The following CFAP61 variants were observed in gnomAD, a reference collection of about 807,000 sequenced individuals.
CFAP61 encodes the protein cilia- and flagella-associated protein 61.
A neutral mutation model predicts 135.6 loss-of-function variants in CFAP61; 107 were observed. That is an observed-to-expected ratio of 0.79 (90% CI 0.67 to 0.93). CFAP61 has a LOEUF of 0.93. CFAP61 is among the 40% of genes least tolerant of loss of function. The pLI is 0.00. For synonymous variants in CFAP61, 575 were observed against 578.5 expected, an observed-to-expected ratio of 0.99 and a Z score of 0.09; for missense variants, 1,507 against 1,556.2, an observed-to-expected ratio of 0.97 and a Z score of 0.53.
At chr20:20,155,915 C>A (rs926703363) in intron 9 of CFAP61, among the ~76,000 whole-genome samples, 1 of 152,184 alleles carries the variant, frequency 6.6e-6, no homozygotes, top group Admixed American at 6.5e-5. Flanking sequence ...AGTCCCACTA[C>A]TGGGTGTCTA....
At chr20:20,110,181 A>G (rs1486000608) in intron 8 of CFAP61, among the ~76,000 whole-genome samples, 1 of 152,052 alleles carries the variant, frequency 6.6e-6, no homozygotes, top group East Asian at 1.9e-4. Context: ...TTTAAAATAA[A>G]AGCACTTCTT....
At chr20:20,340,653 C>T (rs570540216) in intron 25 of CFAP61, among the ~76,000 whole-genome samples, 27 of 152,218 alleles carry the variant, frequency 1.8e-4, no homozygotes, top group Middle Eastern at 3.4e-3. Context: ...AGGAAAGCAG[C>T]GAGCAGGCGG....
intron 17 of CFAP61, among the ~76,000 whole-genome samples, chr20:20,226,397 A>G (rs948028101): frequency 6.6e-6 from 1 of 152,238 alleles, no homozygotes; most frequent in Non-Finnish European, 1.5e-5. Flanking sequence ...ACCTGAGTCC[A>G]ACCTAGATCA....
At chr20:20,160,985 C>T (rs1200269632) in intron 10 of CFAP61, among the ~76,000 whole-genome samples, 2 of 152,174 alleles carry the variant, frequency 1.3e-5, no homozygotes, top group African/African-American at 4.8e-5. Context: ...TCTTGAAACA[C>T]CCCATGCTGG....
intron 17 of CFAP61, among the ~76,000 whole-genome samples, chr20:20,201,815 C>T (rs577026297): frequency 1.7e-3 from 259 of 152,350 alleles, no homozygotes; most frequent in Middle Eastern, 6.8e-3. Flanking sequence ...AGTGCTGACA[C>T]TTATACTTCA....
rs868126796 is a variant in CFAP61 at position 20,141,433 on chromosome 20, A to G, written c.860-1424A>G. Among the ~76,000 whole-genome samples, 10 of 152,134 alleles carry G rather than the reference A, an allele frequency of 6.6e-5. No homozygotes were observed. The South Asian group carries it at 1.5e-3, about 22-fold the overall frequency. On this transcript the variant is annotated intron_variant, in intron 8 of 26. Coordinates refer to ENST00000245957, the MANE Select transcript of CFAP61 (RefSeq NM_015585.4). The stretch of plus-strand genomic sequence containing the variant: ...GTGCAGGACATATCGGGAGCTAGAG[A>G]TATGACAGTTTTTATTTTCCTCAAA...
chr20:20,114,748 T>G (rs935933489), intron 8 of CFAP61, among the ~76,000 whole-genome samples: 23 of 152,126 alleles, frequency 1.5e-4, no homozygotes, highest in African/African-American at 5.6e-4. Context: ...TTAAATTTGT[T>G]TATCTACTGG....
At chr20:20,113,992 G>T (rs2146676098) in intron 8 of CFAP61, among the ~76,000 whole-genome samples, 1 of 150,044 alleles carries the variant, frequency 6.7e-6, no homozygotes, top group Non-Finnish European at 1.5e-5. Flanking sequence ...AAAAAGCCTG[G>T]GTGCCATGGC....
chr20:20,088,071 G>A (rs976541557), intron 6 of CFAP61, among the ~76,000 whole-genome samples: 1 of 152,170 alleles, frequency 6.6e-6, no homozygotes, highest in Admixed American at 6.5e-5. Context: ...CAGTAGTACA[G>A]TCATACCCAT....
chr20:20,326,436 A>T (rs961741559), intron 25 of CFAP61, among the ~76,000 whole-genome samples: 2 of 152,186 alleles, frequency 1.3e-5, no homozygotes, highest in East Asian at 3.8e-4. Context: ...ATTGTAAAAT[A>T]TGCTCCTATT....
chr20:20,327,777 CAAAAAAAAAAAAA>C (rs60171844), intron 25 of CFAP61, among the ~76,000 whole-genome samples: 9 of 60,344 alleles, frequency 1.5e-4, no homozygotes, highest in South Asian at 8.1e-4. Context: ...AAGAGCCTGT[CAAAAAAAAAAAAA>C]AAAAAAAAAA....
chr20:20,195,678 G>A (rs1430890175), intron 15 of CFAP61, among the ~76,000 whole-genome samples: 2 of 152,142 alleles, frequency 1.3e-5, no homozygotes, highest in African/African-American at 4.8e-5. Flanking sequence ...ACCTTCCTCT[G>A]TAAAAATATT....
intron 24 of CFAP61, among the ~76,000 whole-genome samples, chr20:20,296,562 C>G (rs981315741): frequency 6.6e-6 from 1 of 151,244 alleles, no homozygotes; most frequent in African/African-American, 2.4e-5. Flanking sequence ...AATCTAGTTC[C>G]TTGCCATGCC....
chr20:20,065,280 A>G (rs566572274), intron 2 of CFAP61, among the ~76,000 whole-genome samples: 1 of 152,196 alleles, frequency 6.6e-6, no homozygotes, highest in South Asian at 2.1e-4. Context: ...GATACCTAGT[A>G]GGCACTTGGA....
At chr20:20,079,289 T>C (rs959598233) in intron 6 of CFAP61, among the ~76,000 whole-genome samples, 5 of 152,234 alleles carry the variant, frequency 3.3e-5, no homozygotes, top group African/African-American at 9.6e-5. Context: ...TGCCACTCAG[T>C]AACCAGTGCC....
rs1014683701 is a variant in CFAP61 at position 20,091,031 on chromosome 20, G to A, written c.699+55G>A. 12 of 1,599,542 alleles carry A rather than the reference G, an allele frequency of 7.5e-6. No homozygotes were observed. In the African/African-American group the frequency reaches 1.6e-4, roughly 21 times the overall value. The stretch of plus-strand genomic sequence containing the variant: ...TTAGTGAGAGGAAGGAGGGATGTGA[G>A]TGGTGTTGCTCTTGCGTTGCTGGGC... On this transcript the variant is annotated intron_variant, in intron 7 of 26. Transcript: ENST00000245957.
chr20:20,222,444 G>A (rs76741472), intron 17 of CFAP61, among the ~76,000 whole-genome samples: 1 of 152,114 alleles, frequency 6.6e-6, no homozygotes, highest in African/African-American at 2.4e-5. Flanking sequence ...CAGTGTCCTA[G>A]AATCACCGTT....
At chr20:20,354,909 T>TGTGA (rs59404646) in intron 26 of CFAP61, among the ~76,000 whole-genome samples, 4 of 37,092 alleles carry the variant, frequency 1.1e-4, no homozygotes, top group Admixed American at 3.7e-4. Flanking sequence ...GTGGTCACAC[T>TGTGA]GAGGGGAGGT....
chr20:20,126,960 T>A (rs58707609), intron 8 of CFAP61, among the ~76,000 whole-genome samples: 14,907 of 151,436 alleles, frequency 0.098, 1,601 homozygotes, highest in East Asian at 0.59. Context: ...AATTCGAAGA[T>A]GTTGTCTTTG....
Sources: gnomAD v4.1 joint callset for allele counts (sites outside exome capture counted in the v4.1 genomes callset) on GRCh38, gnomAD v4.1.1 for gene constraint, MANE v1.5 for transcripts, NCBI Gene and HGNC (gene_info 2026-07-23, HGNC 2026-07-21) for gene names.